Variants in ZBTB17 observed in about 807,000 individuals in gnomAD.
The protein encoded by ZBTB17 is zinc finger and BTB domain-containing protein 17.
ZBTB17 carries 24 observed loss-of-function variants against 85.1 expected under a neutral mutation model. The observed-to-expected ratio is 0.28, with a 90% CI of 0.20 to 0.40. ZBTB17 has a LOEUF of 0.40. Ranked by LOEUF, ZBTB17 falls within the 10% of genes least tolerant of loss-of-function variation. The probability of loss-of-function intolerance (pLI) is 1.00; values close to 1 mark genes in which losing one functional copy is unlikely to be tolerated. For synonymous variants in ZBTB17, 464 were observed against 460.2 expected (o/e 1.01, Z -0.11); for missense variants, 743 against 1,105.1 (o/e 0.67, Z 4.65).
intron 2 of ZBTB17, among the ~76,000 whole-genome samples, chr1:15,954,964 G>A (rs1378711906): frequency 6.6e-6 from 1 of 152,216 alleles, no homozygotes; most frequent in African/African-American, 2.4e-5. Context: ...AGGCCAGCCT[G>A]GCCAACATGG....
At chr1:15,960,205 C>T (rs2072208494) in intron 2 of ZBTB17, among the ~76,000 whole-genome samples, 2 of 152,222 alleles carry the variant, frequency 1.3e-5, no homozygotes, top group African/African-American at 4.8e-5. Context: ...AGTTAAGTGC[C>T]TCAGGCAGGC....
At chr1:15,975,930 C>T (rs1349839878) in intron 1 of ZBTB17, 53 bp downstream of exon 1, 2 of 696,544 alleles carry the variant, frequency 2.9e-6, no homozygotes, top group Non-Finnish European at 2.6e-6. Flanking sequence ...CCTCCGCCGC[C>T]TCCGCCCCGG....
intron 3 of ZBTB17, among the ~76,000 whole-genome samples, chr1:15,947,724 CTCTA>C (rs2071671744): frequency 6.6e-6 from 1 of 152,188 alleles, no homozygotes; most frequent in Non-Finnish European, 1.5e-5. Context: ...GCTACCAACT[CTCTA>C]TCTGACTGAC....
rs2072369220 is a variant in ZBTB17, at chr1:15,964,467, C to T, written c.-3+8572G>A. ...GCAAGATGGCTCACGCCTGTAATCC[C>T]AACACGTTGGGAGGCTGAGGTGGGA... On this transcript the variant is annotated intron_variant, in intron 2 of 15. Coordinates refer to ENST00000375743, the MANE Select transcript of ZBTB17 (RefSeq NM_003443.3). This position sits in a 1 kb window ranked among gnomAD's most constrained non-coding sequence, Gnocchi z 4.3. Among the ~76,000 whole-genome samples, 1 of 152,156 alleles carries T rather than the reference C, an allele frequency of 6.6e-6. No individual in the cohort carries two copies. The highest frequency in any genetic ancestry group is 2.1e-4 in the South Asian group (1 of 4,836).
rs533458172 is a variant in ZBTB17 at position 15,948,500 on chromosome 1, G to A, written c.-2-3C>T. On this transcript the variant is annotated splice_polypyrimidine_tract_variant and splice_region_variant and intron_variant, in intron 2 of 15. Transcript: ENST00000375743. Reference sequence around the variant, plus strand: ...GCTGTGCTGGGGAAAGTCCATGGCTGAAGAAAGCCAAAGGGCGTTGGGGTT... The same window carrying A: ...GCTGTGCTGGGGAAAGTCCATGGCTAAAGAAAGCCAAAGGGCGTTGGGGTT... The A allele has an allele frequency of 6.8e-6, 11 of 1,612,702 alleles. No homozygotes were observed. The African/African-American group carries it at 1.2e-4, about 18-fold the overall frequency.
At chr1:15,944,263 G>T (rs1206496952) in intron 9 of ZBTB17, 37 bp downstream of exon 9, 5 of 1,547,526 alleles carry the variant, frequency 3.2e-6, no homozygotes, top group Non-Finnish European at 4.4e-6. Context: ...GGCCACCGGC[G>T]GCTGCCAGGC....
At chr1:15,972,260 T>C (rs1416120900) in intron 2 of ZBTB17, among the ~76,000 whole-genome samples, 1 of 152,116 alleles carries the variant, frequency 6.6e-6, no homozygotes, top group East Asian at 1.9e-4. Flanking sequence ...ACAGAAACAA[T>C]GAATGGATAA....
chr1:15,957,100 A>G (rs2072071355), intron 2 of ZBTB17, among the ~76,000 whole-genome samples: 1 of 150,584 alleles, frequency 6.6e-6, no homozygotes, highest in Non-Finnish European at 1.5e-5. Context: ...GAATGCTTGA[A>G]CCTGGGAGGC....
rs546584101 is a variant in ZBTB17, at chr1:15,953,421, C to T, written c.-2-4924G>A. Among the ~76,000 whole-genome samples, 3 of 152,310 alleles carry T rather than the reference C, an allele frequency of 2.0e-5. No homozygotes were observed. Among genetic ancestry groups the T allele is most frequent in the Non-Finnish European group, 4.4e-5 (3 of 68,038 alleles). ...GCTGGGTTGCTCCCAACCACACTCC[C>T]GGCCATGCTCACCAGGGCTGCCTTG... is the stretch of plus-strand genomic sequence containing the variant. On this transcript the variant is annotated intron_variant, in intron 2 of 15. Coordinates refer to ENST00000375743, the MANE Select transcript of ZBTB17 (RefSeq NM_003443.3). The surrounding 1 kb of genome is among the most constrained non-coding windows in gnomAD (Gnocchi z 5.1).
chr1:15,954,179 T>C (rs2071964124), intron 2 of ZBTB17, among the ~76,000 whole-genome samples: 1 of 152,026 alleles, frequency 6.6e-6, no homozygotes, highest in Non-Finnish European at 1.5e-5. Flanking sequence ...ACCCCAAGAG[T>C]GCTCCCAGAC....
At chr1:15,974,182 C>T (rs1263627835) in intron 1 of ZBTB17, among the ~76,000 whole-genome samples, 1 of 130,920 alleles carries the variant, frequency 7.6e-6, no homozygotes, top group Non-Finnish European at 1.6e-5. Flanking sequence ...CAGAGCAAGA[C>T]GTAGTCTCAA....
rs1328352801 is a variant in ZBTB17 at position 15,948,443 on chromosome 1, C to T, written c.53G>A (p.Arg18Gln). 1 of 1,613,956 alleles carries T rather than the reference C, an allele frequency of 6.2e-7. No individual in the cohort carries two copies. The highest frequency in any genetic ancestry group is 1.3e-5 in the African/African-American group (1 of 74,948). The stretch of plus-strand genomic sequence containing the variant: ...GCAGTCACAGAGAAGCCCCAGCTGC[C>T]GCTGCTGGTTCAGCTGTTCCAAGAC... ...QHVLEQLNQQ[R>Q]QLGLLCDCTF... Residue 18 changes from arginine (R) to glutamine (Q), a missense_variant, in exon 3 of 16, where the codon CGG becomes CAG. Transcript: ENST00000375743.
chr1:15,971,375 CACACACTATATATATAT>C lies in ZBTB17; in HGVS notation c.-3+1647_-3+1663del, dbSNP rs1419731632. Among the ~76,000 whole-genome samples, 19 of 104,608 alleles carry C rather than the reference CACACACTATATATATAT, an allele frequency of 1.8e-4. 1 individual carries two copies. In the East Asian group the frequency reaches 3.5e-3, roughly 19 times the overall value. 68.6% of individuals were successfully genotyped at this position (104,608 alleles called of 152,430 possible). On this transcript the variant is annotated intron_variant, in intron 2 of 15. Coordinates refer to ENST00000375743, the MANE Select transcript of ZBTB17 (RefSeq NM_003443.3). ...CATACACACACAATATATATATATACACACACTATATATATATACACACTATATATATACACACACAC... is the reference window on the plus strand; with the variant it reads ...CATACACACACAATATATATATATACACACACTATATATATACACACACAC...
intron 6 of ZBTB17, 145 bp from the exon 7 acceptor site, chr1:15,945,347 T>C: frequency 2.8e-6 from 4 of 1,428,988 alleles, no homozygotes; most frequent in Non-Finnish European, 3.7e-6. Flanking sequence ...ACTGGGTATT[T>C]GCTGCTTGCG....
intron 2 of ZBTB17, 148 bp from the exon 3 acceptor site, chr1:15,948,645 TC>T: frequency 1.2e-6 from 1 of 815,240 alleles, no homozygotes. Flanking sequence ...GGCAGTTCAG[TC>T]CAGATACCCC....
Position 15,976,055 on chromosome 1 carries a change from A to G in ZBTB17, c.-162T>C. ...GAGAAGGCCGGGGACGGCACTCCAGAGCAGACAAAGGGCGCCGCCATGTTA... is the reference window on the plus strand; with the variant it reads ...GAGAAGGCCGGGGACGGCACTCCAGGGCAGACAAAGGGCGCCGCCATGTTA... On this transcript the variant is annotated 5_prime_UTR_variant, in exon 1 of 16. Transcript: ENST00000375743. The G allele has an allele frequency of 1.4e-6, 1 of 691,906 alleles. No homozygotes were observed. The highest frequency in any genetic ancestry group is 2.6e-6 in the Non-Finnish European group (1 of 379,812). 42.9% of individuals were successfully genotyped at this position (691,906 alleles called of 1,614,324 possible).
intron 2 of ZBTB17, among the ~76,000 whole-genome samples, chr1:15,958,449 TTC>T (rs2072131683): frequency 6.6e-6 from 1 of 150,612 alleles, no homozygotes; most frequent in Admixed American, 6.6e-5. Flanking sequence ...CAGGTGTTGC[TTC>T]TCTCTGGCTG....
chr1:15,944,161 G>GCGC (rs1044651560), intron 9 of ZBTB17, 139 bp downstream of exon 9: 12 of 1,305,822 alleles, frequency 9.2e-6, no homozygotes, highest in Non-Finnish European at 1.2e-5. Flanking sequence ...GGCTCTCGCT[G>GCGC]CGCCTGTTTC....
At chr1:15,971,073 G>T (rs1416738450) in intron 2 of ZBTB17, among the ~76,000 whole-genome samples, 2 of 152,142 alleles carry the variant, frequency 1.3e-5, no homozygotes, top group Non-Finnish European at 2.9e-5. Flanking sequence ...CCAGAGGGAT[G>T]CAAGAGAAGT....
Sources: gnomAD v4.1 joint callset for allele counts (sites outside exome capture counted in the v4.1 genomes callset) on GRCh38, gnomAD v4.1.1 for gene constraint, Gnocchi (gnomAD v3.1) non-coding constraint, MANE v1.5 for transcripts, NCBI Gene and HGNC (gene_info 2026-07-23, HGNC 2026-07-21) for gene names.